RCAN2: variants seen among roughly 807,000 people sequenced by gnomAD.
RCAN2 encodes the protein regulator of calcineurin 2.
In RCAN2, 9 loss-of-function variants were observed where a neutral mutation model predicts 23.6. That is an observed-to-expected ratio of 0.38 (90% CI 0.23 to 0.67). The LOEUF is 0.67. Ranked by LOEUF, RCAN2 falls within the 30% of genes least tolerant of loss-of-function variation. The probability of loss-of-function intolerance (pLI) is 0.51; values close to 1 mark genes in which losing one functional copy is unlikely to be tolerated. For synonymous variants in RCAN2, 109 were observed against 115.7 expected (o/e 0.94, Z 0.37); for missense variants, 273 against 302.3 (o/e 0.90, Z 0.72).
chr6:46,374,807 A>G (rs924030640), intron 2 of RCAN2, among the ~76,000 whole-genome samples: 1 of 152,228 alleles, frequency 6.6e-6, no homozygotes, highest in Non-Finnish European at 1.5e-5. Context: ...ATGTTTTTCA[A>G]ATAGCTCAGT....
chr6:46,435,591 A>T (rs1455049122), intron 2 of RCAN2, among the ~76,000 whole-genome samples: 1 of 152,222 alleles, frequency 6.6e-6, no homozygotes, highest in African/African-American at 2.4e-5. Context: ...TGCCATTAGC[A>T]AGAATGAAGC....
At chr6:46,447,995 G>A (rs1377735931) in intron 2 of RCAN2, among the ~76,000 whole-genome samples, 1 of 151,468 alleles carries the variant, frequency 6.6e-6, no homozygotes, top group African/African-American at 2.4e-5. Flanking sequence ...ATAAAGATCA[G>A]AAAATAAATA....
At chr6:46,353,033 T>C (rs1158352799) in intron 2 of RCAN2, among the ~76,000 whole-genome samples, 3 of 152,116 alleles carry the variant, frequency 2.0e-5, no homozygotes, top group Non-Finnish European at 4.4e-5. Context: ...AGGGCTTTTA[T>C]TGGGTTAGTT....
intron 2 of RCAN2, among the ~76,000 whole-genome samples, chr6:46,430,666 T>C (rs944177336): frequency 1.3e-5 from 2 of 152,202 alleles, no homozygotes; most frequent in African/African-American, 2.4e-5. Context: ...TCCATAGGTG[T>C]GATTTCACTT....
At chr6:46,290,530 A>C (rs1468774018) in intron 2 of RCAN2, among the ~76,000 whole-genome samples, 1 of 152,204 alleles carries the variant, frequency 6.6e-6, no homozygotes, top group Non-Finnish European at 1.5e-5. Context: ...CCCTCTCTCA[A>C]AATAGTCATA....
intron 2 of RCAN2, among the ~76,000 whole-genome samples, chr6:46,388,169 G>A (rs1465649936): frequency 6.6e-6 from 1 of 152,016 alleles, no homozygotes; most frequent in Non-Finnish European, 1.5e-5. Flanking sequence ...GAGTTAATGG[G>A]TGTAGCACAC....
intron 2 of RCAN2, among the ~76,000 whole-genome samples, chr6:46,396,787 C>A (rs1010847455): frequency 1.3e-5 from 2 of 152,144 alleles, no homozygotes; most frequent in Non-Finnish European, 2.9e-5. Flanking sequence ...CTTCTTATCT[C>A]TATTACAACC....
chr6:46,251,365 T>C (rs892817720), intron 2 of RCAN2, among the ~76,000 whole-genome samples: 9 of 152,218 alleles, frequency 5.9e-5, no homozygotes, highest in Non-Finnish European at 1.2e-4. Flanking sequence ...AAGTCACAGC[T>C]GGTAGTTTGA....
chr6:46,325,328 T>C (rs1479482665), intron 2 of RCAN2: 1 of 1,582,482 alleles, frequency 6.3e-7, no homozygotes, highest in Non-Finnish European at 8.6e-7. Flanking sequence ...TTCTTCATGC[T>C]AAAAAGGCTC....
intron 2 of RCAN2, among the ~76,000 whole-genome samples, chr6:46,267,680 A>G (rs909414206): frequency 2.0e-5 from 3 of 152,226 alleles, no homozygotes; most frequent in Non-Finnish European, 4.4e-5. Flanking sequence ...GTGTAAAATA[A>G]AATAAAATAA....
intron 2 of RCAN2, among the ~76,000 whole-genome samples, chr6:46,293,910 G>A (rs182955614): frequency 4.6e-5 from 7 of 152,262 alleles, no homozygotes; most frequent in African/African-American, 1.4e-4. Context: ...AGAGCATGTT[G>A]CAAAAGCATG....
chr6:46,225,961 T>G (rs1291631956), intron 4 of RCAN2, among the ~76,000 whole-genome samples: 1 of 152,228 alleles, frequency 6.6e-6, no homozygotes, highest in East Asian at 1.9e-4. Context: ...TTAATTTGTG[T>G]ATAAAGTAGG....
intron 2 of RCAN2, among the ~76,000 whole-genome samples, chr6:46,289,996 C>G (rs1762493620): frequency 6.6e-6 from 1 of 152,138 alleles, no homozygotes; most frequent in African/African-American, 2.4e-5. Flanking sequence ...GAAATAGAGA[C>G]AAGTGAAGCA....
rs137869445 is a variant in RCAN2, at chr6:46,444,613, T to C, written c.225+12139A>G. Among the ~76,000 whole-genome samples the C allele has an allele frequency of 4.6e-5, 7 of 152,114 alleles. No homozygotes were observed. In the East Asian group the frequency reaches 1.4e-3, roughly 30 times the overall value. On this transcript the variant is annotated intron_variant, in intron 2 of 4. Coordinates refer to ENST00000371374, the MANE Select transcript of RCAN2 (RefSeq NM_001251974.2). ...GCAACCCTGGCATCAGTTACCAGGC[T>C]AGCACTCAAAGACACAGGTTCTAAG...
chr6:46,367,312 T>C (rs1029896363), intron 2 of RCAN2, among the ~76,000 whole-genome samples: 3 of 151,826 alleles, frequency 2.0e-5, no homozygotes, highest in African/African-American at 7.3e-5. Flanking sequence ...TACCATCAGG[T>C]GGAATTACTG....
At chr6:46,468,943 G>T in intron 1 of RCAN2, 1 of 637,962 alleles carries the variant, frequency 1.6e-6, no homozygotes, top group Non-Finnish European at 2.0e-6. Flanking sequence ...CTCTTGATCT[G>T]AAAGTAAGTC....
Position 46,294,874 on chromosome 6 carries a change from C to G in RCAN2, c.226-45978G>C, listed in dbSNP as rs537228144. On this transcript the variant is annotated intron_variant, in intron 2 of 4. Coordinates refer to ENST00000371374, the MANE Select transcript of RCAN2 (RefSeq NM_001251974.2). ...ATAGTATGAGCACATACCACTTTCACATTTTAACATTTTTAAAAGGAAATA... is the reference window on the plus strand; with the variant it reads ...ATAGTATGAGCACATACCACTTTCAGATTTTAACATTTTTAAAAGGAAATA... Among the ~76,000 whole-genome samples the G allele has an allele frequency of 2.6e-5, 4 of 152,254 alleles. No homozygotes were observed. The East Asian group carries it at 7.7e-4, about 29-fold the overall frequency.
chr6:46,362,813 C>A (rs1765055443), intron 2 of RCAN2, among the ~76,000 whole-genome samples: 2 of 152,086 alleles, frequency 1.3e-5, no homozygotes, highest in Admixed American at 6.5e-5. Flanking sequence ...TCAAATGTAT[C>A]CAGGCATCCT....
chr6:46,411,484 TTA>T (rs1184301310), intron 2 of RCAN2, among the ~76,000 whole-genome samples: 6 of 152,248 alleles, frequency 3.9e-5, no homozygotes, highest in African/African-American at 1.4e-4. Flanking sequence ...GTGGTAAATT[TTA>T]TGTTATGTAT....
Sources: gnomAD v4.1 joint callset for allele counts (sites outside exome capture counted in the v4.1 genomes callset) on GRCh38, gnomAD v4.1.1 for gene constraint, MANE v1.5 for transcripts, NCBI Gene and HGNC (gene_info 2026-07-23, HGNC 2026-07-21) for gene names.